NLRP14: variants seen among roughly 807,000 people sequenced by gnomAD.
NLRP14 encodes the protein NLR family pyrin domain containing 14.
In NLRP14, 105 loss-of-function variants were observed where a neutral mutation model predicts 94.7. The observed-to-expected ratio is 1.11, with a 90% CI of 0.95 to 1.30. The LOEUF is 1.30. Among genes scored for constraint, NLRP14 ranks in the 50% most tolerant of loss-of-function variants. The probability of loss-of-function intolerance (pLI) is 0.00; values close to 1 mark genes in which losing one functional copy is unlikely to be tolerated. For synonymous variants in NLRP14, 508 were observed against 459.9 expected (o/e 1.10, Z -1.34); for missense variants, 1,362 against 1,254.1 (o/e 1.09, Z -1.30).
chr11:7,056,364 CAA>C (rs750266178), intron 6 of NLRP14, among the ~76,000 whole-genome samples: 4 of 151,582 alleles, frequency 2.6e-5, no homozygotes, highest in Admixed American at 6.6e-5. Flanking sequence ...TATAATAAGA[CAA>C]AATCATTCTT....
At chr11:7,047,771 T>TC (rs1852380457) in intron 5 of NLRP14, among the ~76,000 whole-genome samples, 1 of 148,070 alleles carries the variant, frequency 6.8e-6, no homozygotes, top group Admixed American at 6.7e-5. Context: ...TTCTTTTCTT[T>TC]TTTTTTTTTG....
intron 1 of NLRP14, among the ~76,000 whole-genome samples, chr11:7,035,496 G>C (rs1246246272): frequency 6.6e-6 from 1 of 152,190 alleles, no homozygotes; most frequent in East Asian, 1.9e-4. Flanking sequence ...TAGAAGCCAT[G>C]AATGCTGCTC....
At chr11:7,031,107 G>T (rs1301919777) in intron 1 of NLRP14, among the ~76,000 whole-genome samples, 1 of 152,202 alleles carries the variant, frequency 6.6e-6, no homozygotes, top group African/African-American at 2.4e-5. Flanking sequence ...AGGCATTAAG[G>T]GCCAGAGTGC....
At chr11:7,027,623 G>A (rs912960772) in intron 1 of NLRP14, among the ~76,000 whole-genome samples, 2 of 152,078 alleles carry the variant, frequency 1.3e-5, no homozygotes, top group African/African-American at 4.8e-5. Flanking sequence ...TATCGTTTCT[G>A]TCCTTCCTTT....
At chr11:7,061,793 A>G (rs1852625441) in intron 9 of NLRP14, among the ~76,000 whole-genome samples, 1 of 152,028 alleles carries the variant, frequency 6.6e-6, no homozygotes, top group African/African-American at 2.4e-5. Flanking sequence ...AACAACAAAT[A>G]TGGTTTAGTT....
At chr11:7,056,909 T>C (rs1852524080) in intron 6 of NLRP14, among the ~76,000 whole-genome samples, 1 of 152,032 alleles carries the variant, frequency 6.6e-6, no homozygotes, top group Non-Finnish European at 1.5e-5. Context: ...AATTCTGGGC[T>C]TAGGAGGAAG....
At chr11:7,036,208 T>G (rs902507873) in intron 1 of NLRP14, among the ~76,000 whole-genome samples, 2 of 152,242 alleles carry the variant, frequency 1.3e-5, no homozygotes, top group African/African-American at 4.8e-5. Flanking sequence ...TGGGTTCCCA[T>G]TTTAGTTCAG....
chr11:7,036,790 TTGACTA>T (rs1383031881), intron 1 of NLRP14, among the ~76,000 whole-genome samples: 2 of 152,094 alleles, frequency 1.3e-5, no homozygotes, highest in African/African-American at 4.8e-5. Flanking sequence ...TTGAAGAAGT[TTGACTA>T]TGAAGATGAA....
At chr11:7,057,897 G>A (rs1467168421) in intron 7 of NLRP14, 50 bp downstream of exon 7, 1 of 1,489,972 alleles carries the variant, frequency 6.7e-7, no homozygotes, top group East Asian at 2.3e-5. Flanking sequence ...TTGGTTCTGT[G>A]TAGCTTAATT....
chr11:7,065,265 C>T (rs1228777788), intron 10 of NLRP14, among the ~76,000 whole-genome samples: 1 of 152,010 alleles, frequency 6.6e-6, no homozygotes, highest in Non-Finnish European at 1.5e-5. Context: ...CTTGAGTGGT[C>T]TTGTATTTTG....
the NLRP14 span, among the ~76,000 whole-genome samples, chr11:7,078,295 G>A: frequency 1.9e-4 from 28 of 151,236 alleles, no homozygotes; most frequent in African/African-American, 6.3e-4. Flanking sequence ...AAAATTAGCC[G>A]GGCATGATGG....
In NLRP14 at chr11:7,051,809, G is replaced by C. The variant is rs563209797; in HGVS notation, c.2291+1971G>C. 5.1e-3 allele frequency among the ~76,000 whole-genome samples: 781 copies of C among 152,252 alleles called. 3 individuals are homozygous for C. Among genetic ancestry groups the C allele is most frequent in the African/African-American group, 0.012 (500 of 41,558 alleles). On this transcript the variant is annotated intron_variant, in intron 6 of 11. Transcript: ENST00000299481. The stretch of plus-strand genomic sequence containing the variant: ...GGCTTATTTTTGTGTTTTTAGTAGA[G>C]ATGGGGTTTCACCATGTTGGCCAGG...
At chr11:7,087,345 G>A in the NLRP14 span, among the ~76,000 whole-genome samples, 1 of 152,114 alleles carries the variant, frequency 6.6e-6, no homozygotes, top group African/African-American at 2.4e-5. Flanking sequence ...ACCTTTACCT[G>A]TAAGCCATCA....
chr11:7,055,419 C>G (rs1852503694), intron 6 of NLRP14, among the ~76,000 whole-genome samples: 1 of 152,048 alleles, frequency 6.6e-6, no homozygotes, highest in Non-Finnish European at 1.5e-5. Flanking sequence ...ACTCAAAAAA[C>G]AAAAATAAAT....
At chr11:7,048,010 T>A (rs745385053) in intron 5 of NLRP14, among the ~76,000 whole-genome samples, 1 of 152,092 alleles carries the variant, frequency 6.6e-6, no homozygotes, top group Non-Finnish European at 1.5e-5. Flanking sequence ...TCTACCCATC[T>A]TGGCCTCCCA....
Position 7,043,000 on chromosome 11 carries a change from T to C in NLRP14, c.974T>C (p.Val325Ala), listed in dbSNP as rs542181993. 21 of 1,614,086 alleles carry C rather than the reference T, an allele frequency of 1.3e-5. No individual in the cohort carries two copies. The Admixed American group carries it at 2.0e-4, about 15-fold the overall frequency. The change falls in exon 4 of 12, where the codon GTA becomes GCA. Residue 325 changes from valine to alanine, a missense_variant. Coordinates refer to ENST00000299481, the MANE Select transcript of NLRP14 (RefSeq NM_176822.4). ...CAGTTGTTGAAGAATCACCATTATG[T>C]AGAGCTACTAGGAATGTCTGAGGAT... ...LKQLLKNHHYVELLGMSEDAR... is the reference protein window; with the variant it reads ...LKQLLKNHHYAELLGMSEDAR...
rs541653898 is a variant in NLRP14, at chr11:7,056,751, G to A, written c.2292-926G>A. 9.0e-4 allele frequency among the ~76,000 whole-genome samples: 137 copies of A among 152,044 alleles called. No individual in the cohort carries two copies. The South Asian group carries it at 9.9e-3, about 11-fold the overall frequency. On this transcript the variant is annotated intron_variant, in intron 6 of 11. Transcript: ENST00000299481. ...AAGGTGAATGGATAAAGAAAATGTG[G>A]TACATATACATTTGTGTCCAGAAAC...
the NLRP14 span, among the ~76,000 whole-genome samples, chr11:7,084,472 G>C: frequency 6.6e-6 from 1 of 152,010 alleles, no homozygotes; most frequent in Non-Finnish European, 1.5e-5. Flanking sequence ...CTCACACCCC[G>C]TCCTCCAGGG....
At chr11:7,055,163 TA>T (rs1360350892) in intron 6 of NLRP14, among the ~76,000 whole-genome samples, 7 of 152,124 alleles carry the variant, frequency 4.6e-5, no homozygotes, top group Non-Finnish European at 7.4e-5. Context: ...ATCATTGTGG[TA>T]AAACCAAAAT....
Sources: gnomAD v4.1 joint callset for allele counts (sites outside exome capture counted in the v4.1 genomes callset) on GRCh38, gnomAD v4.1.1 for gene constraint, MANE v1.5 for transcripts, NCBI Gene and HGNC (gene_info 2026-07-23, HGNC 2026-07-21) for gene names.